KCNH5: variants seen among roughly 807,000 people sequenced by gnomAD.
KCNH5 encodes voltage-gated delayed rectifier potassium channel KCNH5.
KCNH5 carries 46 observed loss-of-function variants against 96.1 expected under a neutral mutation model. The observed-to-expected ratio is 0.48, with a 90% CI of 0.38 to 0.61. The LOEUF is 0.61. KCNH5 is among the 20% of genes least tolerant of loss of function. The pLI, the probability that KCNH5 is intolerant of heterozygous loss-of-function variation, is 0.00. For synonymous variants in KCNH5, 439 were observed against 449.8 expected (o/e 0.98, Z 0.30); for missense variants, 907 against 1,225.8 (o/e 0.74, Z 3.88).
At chr14:62,721,346 T>G (rs1884809941) in intron 10 of KCNH5, among the ~76,000 whole-genome samples, 1 of 152,226 alleles carries the variant, frequency 6.6e-6, no homozygotes, top group Non-Finnish European at 1.5e-5. Flanking sequence ...TGTAATTTTC[T>G]CAAAAACTTT....
chr14:63,045,425 T>C lies in KCNH5; in HGVS notation c.-239A>G, dbSNP rs1352150833. 1 of 543,916 alleles carries C rather than the reference T, an allele frequency of 1.8e-6. No homozygotes were observed. The highest frequency in any genetic ancestry group is 5.0e-4 in the Middle Eastern group (1 of 2,020). 33.7% of individuals were successfully genotyped at this position (543,916 alleles called of 1,614,324 possible). On this transcript the variant is annotated 5_prime_UTR_variant, in exon 1 of 11. Transcript: ENST00000322893. ...CTCCCCCGGCCGCCGCTGCCCAGACTGTGGCGGTGCCGCACACGGGGCTCG... is the reference window on the plus strand; with the variant it reads ...CTCCCCCGGCCGCCGCTGCCCAGACCGTGGCGGTGCCGCACACGGGGCTCG...
intron 10 of KCNH5, among the ~76,000 whole-genome samples, chr14:62,729,581 T>C (rs1345349409): frequency 6.6e-6 from 1 of 152,186 alleles, no homozygotes; most frequent in Non-Finnish European, 1.5e-5. Context: ...TGGATGAGAC[T>C]TGCTATTGTC....
chr14:62,937,360 A>G (rs771593754), intron 7 of KCNH5, among the ~76,000 whole-genome samples: 4 of 152,150 alleles, frequency 2.6e-5, no homozygotes, highest in Non-Finnish European at 4.4e-5. Flanking sequence ...CTGGATTGGT[A>G]TTTGTAAGAC....
rs1171579924 is a variant in KCNH5, at chr14:62,702,210, TAGG to T, written c.*5295_*5297del. 1.3e-5 allele frequency: 2 copies of T among 152,204 alleles called. No homozygotes were observed. Among genetic ancestry groups the T allele is most frequent in the South Asian group, 2.1e-4 (1 of 4,826 alleles). 9.4% of individuals were successfully genotyped at this position (152,204 alleles called of 1,614,324 possible). A position where few individuals can be genotyped will look rare whatever the true frequency, so the allele number is the denominator to read the frequency against. ...ACTTTGGCCGATGTCTTTCAACTGT[TAGG>T]AGAAGTAAAGGAAAATTCCACTGTT... On this transcript the variant is annotated 3_prime_UTR_variant, in exon 11 of 11. Transcript: ENST00000322893.
intron 9 of KCNH5, among the ~76,000 whole-genome samples, chr14:62,800,922 G>GT (rs1458728382): frequency 6.6e-6 from 1 of 150,382 alleles, no homozygotes; most frequent in Non-Finnish European, 1.5e-5. Flanking sequence ...CTAAAATGTC[G>GT]TATTTTCTTC....
At chr14:62,909,273 C>T (rs546203046) in intron 7 of KCNH5, among the ~76,000 whole-genome samples, 1 of 151,632 alleles carries the variant, frequency 6.6e-6, no homozygotes, top group East Asian at 2.0e-4. Context: ...TCTCGATCTC[C>T]TGACCTCGTG....
intron 10 of KCNH5, among the ~76,000 whole-genome samples, chr14:62,742,621 G>A (rs982359737): frequency 2.0e-5 from 3 of 152,144 alleles, no homozygotes; most frequent in South Asian, 2.1e-4. Flanking sequence ...GAAAACCATC[G>A]CTTTAAACAC....
At chr14:63,036,568 G>A (rs1236080016) in intron 1 of KCNH5, among the ~76,000 whole-genome samples, 6 of 151,930 alleles carry the variant, frequency 3.9e-5, no homozygotes, top group Non-Finnish European at 8.8e-5. Flanking sequence ...CTGAGTTTTA[G>A]ATGACTTTTG....
chr14:62,960,939 T>G (rs983026378), intron 6 of KCNH5, among the ~76,000 whole-genome samples: 12 of 152,290 alleles, frequency 7.9e-5, no homozygotes, highest in African/African-American at 2.4e-4. Context: ...AGACAAAGAA[T>G]AGGCACTTAT....
chr14:62,934,003 A>AT (rs1404218442), intron 7 of KCNH5, among the ~76,000 whole-genome samples: 1 of 152,116 alleles, frequency 6.6e-6, no homozygotes, highest in African/African-American at 2.4e-5. Flanking sequence ...CTTCTCTCTA[A>AT]TGACTGAATA....
intron 10 of KCNH5, among the ~76,000 whole-genome samples, chr14:62,743,488 G>A (rs928402398): frequency 6.6e-6 from 1 of 151,956 alleles, no homozygotes; most frequent in African/African-American, 2.4e-5. Context: ...GCCTTATTTA[G>A]GATTTTTACC....
chr14:62,983,517 T>C (rs1205765559), intron 5 of KCNH5, among the ~76,000 whole-genome samples: 1 of 152,176 alleles, frequency 6.6e-6, no homozygotes, highest in Non-Finnish European at 1.5e-5. Flanking sequence ...TCTTCTGCTG[T>C]TAATAGAAAT....
intron 7 of KCNH5, among the ~76,000 whole-genome samples, chr14:62,865,947 AGCAATC>A (rs1888126906): frequency 1.3e-5 from 2 of 152,228 alleles, no homozygotes; most frequent in Non-Finnish European, 2.9e-5. Context: ...TCTTTTAAAG[AGCAATC>A]ATCAATTGAT....
At chr14:62,998,430 A>G (rs2139587893) in intron 4 of KCNH5, among the ~76,000 whole-genome samples, 1 of 152,178 alleles carries the variant, frequency 6.6e-6, no homozygotes, top group East Asian at 1.9e-4. Context: ...ATTTTCTCTA[A>G]TGTTGTCCTG....
chr14:62,834,999 G>C (rs1887436754), intron 8 of KCNH5, among the ~76,000 whole-genome samples: 1 of 151,780 alleles, frequency 6.6e-6, no homozygotes, highest in Admixed American at 6.6e-5. Context: ...ATACTCTACT[G>C]CTTGCAAACA....
At chr14:62,805,925 T>C (rs947104964) in intron 8 of KCNH5, among the ~76,000 whole-genome samples, 3 of 152,004 alleles carry the variant, frequency 2.0e-5, no homozygotes, top group Non-Finnish European at 4.4e-5. Context: ...AGGTGCTGGG[T>C]AAAATGAGGC....
chr14:62,907,444 G>A (rs7155469), intron 7 of KCNH5, among the ~76,000 whole-genome samples: 74,307 of 151,884 alleles, frequency 0.49, 18,564 homozygotes, highest in South Asian at 0.67. Flanking sequence ...CTAGTTTATC[G>A]TGCATTTTTA....
chr14:62,779,747 G>GT lies in KCNH5; in HGVS notation c.1999dup (p.Thr667AsnfsTer12). ...ACATACCCGTTTCCTCAGATTGCAA[G>GT]TAAGAGTGAGATTCCTTGAGAAGGA... On this transcript the variant is annotated frameshift_variant, in exon 10 of 11. Coordinates refer to ENST00000322893, the MANE Select transcript of KCNH5 (RefSeq NM_139318.5). LOFTEE classifies it high-confidence loss of function. The GT allele has an allele frequency of 6.2e-7, 1 of 1,613,608 alleles. No homozygotes were observed. The highest frequency in any genetic ancestry group is 8.5e-7 in the Non-Finnish European group (1 of 1,179,716).
chr14:62,889,193 G>A (rs1201332109), intron 7 of KCNH5, among the ~76,000 whole-genome samples: 3 of 152,182 alleles, frequency 2.0e-5, no homozygotes, highest in Non-Finnish European at 4.4e-5. Context: ...ATGCAAAAGT[G>A]AGAGTTAAAA....
Sources: allele counts gnomAD v4.1 joint callset (sites outside exome capture counted in the v4.1 genomes callset), GRCh38; gene constraint gnomAD v4.1.1; transcripts MANE v1.5; gene names NCBI Gene and HGNC (gene_info 2026-07-23, HGNC 2026-07-21).